Variants in PRKN observed in about 807,000 individuals in gnomAD.
The protein encoded by PRKN is parkin RBR E3 ubiquitin protein ligase.
PRKN carries 56 observed loss-of-function variants against 59.5 expected under a neutral mutation model. The ratio of observed to expected loss-of-function variants is 0.94; its 90% confidence interval spans 0.76 to 1.18. The LOEUF is 1.18. Among genes scored for constraint, PRKN ranks in the 50% most tolerant of loss-of-function variants. PRKN has a pLI of 0.00. For missense variants in PRKN, 657 were observed against 596.4 expected (o/e 1.10, Z -1.06); for synonymous variants, 250 against 222.1 (o/e 1.13, Z -1.12).
intron 5 of PRKN, among the ~76,000 whole-genome samples, chr6:162,045,276 G>A (rs1582947931): frequency 6.6e-6 from 1 of 152,084 alleles, no homozygotes. Flanking sequence ...TTTTAAAAAC[G>A]ATCTTTTGCT....
chr6:162,184,175 C>T (rs1225672015), intron 4 of PRKN, among the ~76,000 whole-genome samples: 1 of 152,186 alleles, frequency 6.6e-6, no homozygotes. Context: ...TATCCAGGAT[C>T]TTGTACTTTA....
rs1787987017 is a variant in PRKN, at chr6:161,419,382, CTTTT to C, written c.1084-32509_1084-32506del. On this transcript the variant is annotated intron_variant, in intron 9 of 11. Coordinates refer to ENST00000366898, the MANE Select transcript of PRKN (RefSeq NM_004562.3). This position sits in a 1 kb window ranked among gnomAD's most constrained non-coding sequence, Gnocchi z 4.1. ...CAACACAGAGGGCCTTTCCTTTTTT[CTTTT>C]TTCTTCTTCTTTTTTTTTTTAAATG... 8.6e-6 allele frequency among the ~76,000 whole-genome samples: 1 copy of C among 116,226 alleles called. No individual in the cohort carries two copies. Among genetic ancestry groups the C allele is most frequent in the African/African-American group, 3.3e-5 (1 of 30,146 alleles). 76.2% of individuals were successfully genotyped at this position (116,226 alleles called of 152,430 possible).
chr6:161,358,902 C>A (rs1196724745), intron 11 of PRKN, among the ~76,000 whole-genome samples: 2 of 144,134 alleles, frequency 1.4e-5, no homozygotes, highest in African/African-American at 2.6e-5. Flanking sequence ...TCACACCATT[C>A]TCCTGCCTCA....
At chr6:162,094,990 A>T (rs773755015) in intron 4 of PRKN, among the ~76,000 whole-genome samples, 2 of 152,168 alleles carry the variant, frequency 1.3e-5, no homozygotes, top group Non-Finnish European at 2.9e-5. Flanking sequence ...GATAGATGCC[A>T]GATGGGTACA....
intron 1 of PRKN, among the ~76,000 whole-genome samples, chr6:162,617,894 T>C (rs1782499182): frequency 6.6e-6 from 1 of 152,152 alleles, no homozygotes; most frequent in Admixed American, 6.5e-5. Flanking sequence ...CTAAGGGGTT[T>C]CAATGTATTA....
intron 7 of PRKN, among the ~76,000 whole-genome samples, chr6:161,745,034 G>A (rs962186557): frequency 1.3e-5 from 2 of 152,190 alleles, no homozygotes; most frequent in Non-Finnish European, 2.9e-5. Context: ...TTTCACAGCT[G>A]TAAGCAATGG....
At chr6:162,433,504 G>A (rs1190407394) in intron 2 of PRKN, among the ~76,000 whole-genome samples, 1 of 151,984 alleles carries the variant, frequency 6.6e-6, no homozygotes, top group Non-Finnish European at 1.5e-5. Context: ...CCCTTGGAAT[G>A]AAAAAAACAT....
chr6:162,133,747 G>A (rs1293466273), intron 4 of PRKN, among the ~76,000 whole-genome samples: 1 of 152,146 alleles, frequency 6.6e-6, no homozygotes, highest in African/African-American at 2.4e-5. Context: ...AAGAGAAGTG[G>A]CCCATGTGGC....
intron 6 of PRKN, among the ~76,000 whole-genome samples, chr6:161,886,079 G>C (rs1048048875): frequency 1.3e-5 from 2 of 152,122 alleles, no homozygotes; most frequent in Non-Finnish European, 2.9e-5. Flanking sequence ...AAAATAAAAT[G>C]ATACTAATAA....
intron 1 of PRKN, among the ~76,000 whole-genome samples, chr6:162,707,367 G>A (rs1229820832): frequency 6.6e-6 from 1 of 151,994 alleles, no homozygotes; most frequent in Non-Finnish European, 1.5e-5. Flanking sequence ...ATGATTCCAA[G>A]AGAATAAACA....
chr6:161,867,267 C>A (rs1794148179), intron 6 of PRKN, among the ~76,000 whole-genome samples: 1 of 152,130 alleles, frequency 6.6e-6, no homozygotes, highest in Non-Finnish European at 1.5e-5. Flanking sequence ...AATAATTTAG[C>A]ATGTGAGGTC....
intron 6 of PRKN, among the ~76,000 whole-genome samples, chr6:161,929,136 C>T: frequency 6.6e-6 from 1 of 151,912 alleles, no homozygotes; most frequent in East Asian, 1.9e-4. Flanking sequence ...ATTATTTGGC[C>T]ATAAAAAGTA....
chr6:161,889,295 A>C (rs60428151), intron 6 of PRKN, among the ~76,000 whole-genome samples: 15,486 of 152,136 alleles, frequency 0.1, 902 homozygotes, highest in African/African-American at 0.16. Flanking sequence ...ATGATCACAC[A>C]AACACTGTAT....
At chr6:161,834,473 C>T (rs1792655012) in intron 6 of PRKN, among the ~76,000 whole-genome samples, 1 of 152,178 alleles carries the variant, frequency 6.6e-6, no homozygotes, top group Non-Finnish European at 1.5e-5. Flanking sequence ...TATTATTTAC[C>T]AGTTCTTATC....
chr6:162,596,754 T>C (rs1390505617), intron 1 of PRKN, among the ~76,000 whole-genome samples: 1 of 152,186 alleles, frequency 6.6e-6, no homozygotes, highest in Non-Finnish European at 1.5e-5. Flanking sequence ...TACAGTCATA[T>C]TGAGAGGCAT....
At position 162,339,054 on chromosome 6, in the gene PRKN, G is replaced by A. The variant is rs1248709799; in HGVS notation, c.172-76289C>T. ...TGAGAAGTGAGGAGCCCCTCCGCCC[G>A]GCAGCCGCCCCGTCTGAGAAGTGAG... On this transcript the variant is annotated intron_variant, in intron 2 of 11. Coordinates refer to ENST00000366898, the MANE Select transcript of PRKN (RefSeq NM_004562.3). Among the ~76,000 whole-genome samples the A allele has an allele frequency of 6.1e-5, 9 of 146,612 alleles. No individual in the cohort carries two copies. In the East Asian group the frequency reaches 8.3e-4, roughly 14 times the overall value.
intron 7 of PRKN, among the ~76,000 whole-genome samples, chr6:161,756,372 G>A (rs1044215653): frequency 1.4e-5 from 2 of 144,898 alleles, no homozygotes; most frequent in Non-Finnish European, 3.0e-5. Context: ...AACCTGGGAG[G>A]TGGAGGCTGC....
intron 4 of PRKN, among the ~76,000 whole-genome samples, chr6:162,100,842 T>C (rs1358779867): frequency 1.3e-5 from 2 of 152,164 alleles, no homozygotes; most frequent in Admixed American, 1.3e-4. Context: ...TGATGTGGAG[T>C]ATTTTTTCAT....
At chr6:162,658,181 A>T (rs899327642) in intron 1 of PRKN, among the ~76,000 whole-genome samples, 1 of 152,170 alleles carries the variant, frequency 6.6e-6, no homozygotes, top group Non-Finnish European at 1.5e-5. Flanking sequence ...ATTTCTTACA[A>T]TATATTCTAC....
Sources: allele counts gnomAD v4.1 joint callset (sites outside exome capture counted in the v4.1 genomes callset), GRCh38; gene constraint gnomAD v4.1.1; non-coding constraint Gnocchi (gnomAD v3.1); transcripts MANE v1.5; gene names NCBI Gene and HGNC (gene_info 2026-07-23, HGNC 2026-07-21).